Variants in ARPP21 observed in about 807,000 individuals in gnomAD.
ARPP21 encodes the protein cAMP regulated phosphoprotein 21.
ARPP21 carries 69 observed loss-of-function variants against 113.2 expected under a neutral mutation model. The observed-to-expected ratio is 0.61, with a 90% CI of 0.50 to 0.74. ARPP21 has a LOEUF of 0.74. ARPP21 is among the 30% of genes least tolerant of loss of function. ARPP21 has a pLI of 0.00. For missense variants in ARPP21, 1,070 were observed against 1,037.4 expected, an observed-to-expected ratio of 1.03 and a Z score of -0.43; for synonymous variants, 368 against 375.5, an observed-to-expected ratio of 0.98 and a Z score of 0.23.
chr3:35,713,931 T>A (rs1159589637), intron 11 of ARPP21, among the ~76,000 whole-genome samples: 1 of 152,162 alleles, frequency 6.6e-6, no homozygotes, highest in Non-Finnish European at 1.5e-5. Flanking sequence ...ATAATGTATA[T>A]CTAAGCTAAC....
chr3:35,740,807 T>A (rs1219308516), intron 18 of ARPP21, among the ~76,000 whole-genome samples: 1 of 151,080 alleles, frequency 6.6e-6, no homozygotes, highest in East Asian at 1.9e-4. Flanking sequence ...AATAAATAAA[T>A]GAAAAATTAG....
At chr3:35,771,649 C>A (rs1037454935) in intron 19 of ARPP21, among the ~76,000 whole-genome samples, 1 of 152,084 alleles carries the variant, frequency 6.6e-6, no homozygotes, top group African/African-American at 2.4e-5. Flanking sequence ...GATATTTTAT[C>A]TATCAACATT....
At chr3:35,786,542 A>G (rs1274613021) in intron 19 of ARPP21, among the ~76,000 whole-genome samples, 1 of 151,532 alleles carries the variant, frequency 6.6e-6, no homozygotes, top group Non-Finnish European at 1.5e-5. Flanking sequence ...AAAAAAAAAA[A>G]GTTCTACTTA....
At chr3:35,784,899 T>C (rs1017615692) in intron 19 of ARPP21, 5 of 152,014 alleles carry the variant, frequency 3.3e-5, no homozygotes, top group Admixed American at 1.3e-4. Flanking sequence ...TCTGTGGCCA[T>C]AGTACTTATT....
At chr3:35,667,016 G>A (rs1438372686) in intron 1 of ARPP21, among the ~76,000 whole-genome samples, 1 of 152,072 alleles carries the variant, frequency 6.6e-6, no homozygotes, top group Non-Finnish European at 1.5e-5. Context: ...GGATAAAATT[G>A]AAGTCCCAGA....
intron 14 of ARPP21, among the ~76,000 whole-genome samples, chr3:35,728,546 T>C (rs1403077511): frequency 6.6e-6 from 1 of 150,918 alleles, no homozygotes; most frequent in Non-Finnish European, 1.5e-5. Context: ...TTTAAATCCT[T>C]AATATCTAAA....
intron 9 of ARPP21, among the ~76,000 whole-genome samples, chr3:35,692,660 C>T (rs1028351443): frequency 1.3e-5 from 2 of 151,556 alleles, no homozygotes; most frequent in East Asian, 1.9e-4. Context: ...CATGTTTCCT[C>T]GGAGAATGGC....
chr3:35,764,741 T>G lies in ARPP21; in HGVS notation c.2137+20776T>G, dbSNP rs2095897688. On this transcript the variant is annotated intron_variant, in intron 19 of 20. Coordinates refer to ENST00000684406, the MANE Select transcript of ARPP21 (RefSeq NM_001385562.1). Reference sequence around the variant, plus strand: ...GGTTTTAGTGTTCTGTTTGCATATATGTATACATTTTGTTTTTCTAACTGG... The same window carrying G: ...GGTTTTAGTGTTCTGTTTGCATATAGGTATACATTTTGTTTTTCTAACTGG... Among the ~76,000 whole-genome samples the G allele has an allele frequency of 2.0e-5, 3 of 152,186 alleles. No individual in the cohort carries two copies. In the South Asian group the frequency reaches 6.2e-4, roughly 31 times the overall value.
chr3:35,684,672 G>A (rs1559608539), intron 5 of ARPP21: 7 of 985,332 alleles, frequency 7.1e-6, no homozygotes, highest in Non-Finnish European at 7.2e-6. Context: ...GTTTGGTTTG[G>A]TTTTGCTTTT....
intron 1 of ARPP21, among the ~76,000 whole-genome samples, chr3:35,674,234 A>G (rs1470886772): frequency 6.6e-6 from 1 of 151,918 alleles, no homozygotes; most frequent in South Asian, 2.1e-4. Context: ...GATATAGGAG[A>G]TCATAGAACA....
chr3:35,650,006 A>T (rs990427197), intron 1 of ARPP21, among the ~76,000 whole-genome samples: 1 of 152,152 alleles, frequency 6.6e-6, no homozygotes, highest in African/African-American at 2.4e-5. Flanking sequence ...TCACCCATCC[A>T]CTTTAAACAC....
At chr3:35,648,461 T>C (rs1252186400) in intron 1 of ARPP21, among the ~76,000 whole-genome samples, 1 of 152,200 alleles carries the variant, frequency 6.6e-6, no homozygotes, top group East Asian at 1.9e-4. Flanking sequence ...CATTTTTCTA[T>C]TCTGCAACAA....
chr3:35,763,388 G>C (rs747026473), intron 19 of ARPP21, among the ~76,000 whole-genome samples: 1 of 152,128 alleles, frequency 6.6e-6, no homozygotes, highest in Non-Finnish European at 1.5e-5. Context: ...AGGACCACCT[G>C]GAACTGCAGT....
chr3:35,656,502 T>C (rs538469943), intron 1 of ARPP21, among the ~76,000 whole-genome samples: 1 of 152,204 alleles, frequency 6.6e-6, no homozygotes, highest in South Asian at 2.1e-4. Context: ...GAATTACTAA[T>C]CGACACAATA....
intron 9 of ARPP21, among the ~76,000 whole-genome samples, chr3:35,699,441 G>GATA (rs953206342): frequency 6.6e-6 from 1 of 151,568 alleles, no homozygotes; most frequent in African/African-American, 2.4e-5. Context: ...TAATGAATAT[G>GATA]ATAATAATAA....
intron 19 of ARPP21, among the ~76,000 whole-genome samples, chr3:35,749,939 T>A (rs1576607630): frequency 6.6e-6 from 1 of 151,992 alleles, no homozygotes; most frequent in Non-Finnish European, 1.5e-5. Flanking sequence ...ATTTTTAACT[T>A]CTCTCTTTTT....
At chr3:35,643,377 C>T (rs930165191) in intron 1 of ARPP21, among the ~76,000 whole-genome samples, 4 of 152,062 alleles carry the variant, frequency 2.6e-5, no homozygotes, top group African/African-American at 9.7e-5. Context: ...AAATACATCA[C>T]AATGAGTTAC....
intron 1 of ARPP21, among the ~76,000 whole-genome samples, chr3:35,661,122 C>T (rs993918465): frequency 6.6e-6 from 1 of 152,176 alleles, no homozygotes; most frequent in African/African-American, 2.4e-5. Flanking sequence ...TAATTACACA[C>T]ATGATCACAT....
intron 9 of ARPP21, among the ~76,000 whole-genome samples, chr3:35,703,312 A>G (rs969664625): frequency 6.6e-6 from 1 of 151,922 alleles, no homozygotes; most frequent in Non-Finnish European, 1.5e-5. Flanking sequence ...GAATGACTAG[A>G]ACACAAGAGT....
Sources: gnomAD v4.1 joint callset for allele counts (sites outside exome capture counted in the v4.1 genomes callset) on GRCh38, gnomAD v4.1.1 for gene constraint, MANE v1.5 for transcripts, NCBI Gene and HGNC (gene_info 2026-07-23, HGNC 2026-07-21) for gene names.